FOCAD: variants seen among roughly 807,000 people sequenced by gnomAD.
FOCAD encodes the protein focadhesin.
FOCAD carries 198 observed loss-of-function variants against 225.6 expected under a neutral mutation model. The observed-to-expected ratio is 0.88, with a 90% CI of 0.78 to 0.99. The LOEUF is 0.99. FOCAD is among the 50% of genes least tolerant of loss of function. The probability of loss-of-function intolerance (pLI) is 0.00; values close to 1 mark genes in which losing one functional copy is unlikely to be tolerated. For synonymous variants in FOCAD, 897 were observed against 755.0 expected (o/e 1.19, Z -3.08); for missense variants, 2,713 against 2,123.6 (o/e 1.28, Z -5.46).
At chr9:20,839,628 T>A (rs953472118) in intron 15 of FOCAD, among the ~76,000 whole-genome samples, 3 of 151,476 alleles carry the variant, frequency 2.0e-5, no homozygotes, top group Admixed American at 2.0e-4. Flanking sequence ...TCCCTTTTTT[T>A]TGAACTATGC....
chr9:20,750,067 C>A (rs16938150), intron 5 of FOCAD, among the ~76,000 whole-genome samples: 370 of 152,196 alleles, frequency 2.4e-3, no homozygotes, highest in Middle Eastern at 0.01. Flanking sequence ...TATTAGGTAC[C>A]AACTCTGTGT....
Position 20,797,790 on chromosome 9 carries a change from A to G in FOCAD, c.1455+8182A>G, listed in dbSNP as rs370189287. ...CTAGATATACAATCATGCCATCTGC[A>G]AACAGGGACCATTTGACTTCCTCTT... On this transcript the variant is annotated intron_variant, in intron 11 of 43. Coordinates refer to ENST00000338382, the MANE Select transcript of FOCAD (RefSeq NM_001375567.1). Among the ~76,000 whole-genome samples, 76 of 152,302 alleles carry G rather than the reference A, an allele frequency of 5.0e-4. 5 individuals carry two copies. In the South Asian group the frequency reaches 0.015, roughly 30 times the overall value.
intron 1 of FOCAD, among the ~76,000 whole-genome samples, chr9:20,699,166 T>G (rs1205760921): frequency 6.6e-6 from 1 of 152,244 alleles, no homozygotes; most frequent in Non-Finnish European, 1.5e-5. Context: ...GTTCCTGAGC[T>G]GATCTGATCT....
At chr9:20,887,598 G>A (rs927434190) in intron 21 of FOCAD, among the ~76,000 whole-genome samples, 4 of 152,072 alleles carry the variant, frequency 2.6e-5, no homozygotes, top group South Asian at 2.1e-4. Flanking sequence ...ATGGACCTTC[G>A]GGTTTTTTCT....
rs148181340 is a variant in FOCAD, at chr9:20,948,740, A to T, written c.3799-111A>T. 479 of 1,154,418 alleles carry T rather than the reference A, an allele frequency of 4.1e-4. 4 individuals carry two copies. In the Admixed American group the frequency reaches 9.4e-3, roughly 23 times the overall value. The allele number at this position is 1,154,418 out of a possible 1,614,324, so 71.5% of individuals were successfully genotyped here. ...CAGTTATACAGGTTACGTTGACCCT[A>T]TAAGTTTGGTACCAATTCGACCATT... On this transcript the variant is annotated intron_variant, in intron 31 of 43. Transcript: ENST00000338382.
chr9:20,899,855 A>C (rs1370380623), intron 21 of FOCAD, among the ~76,000 whole-genome samples: 7 of 151,736 alleles, frequency 4.6e-5, no homozygotes, highest in Non-Finnish European at 1.0e-4. Context: ...CATAGACCCA[A>C]GTTTGATTTG....
At chr9:20,950,874 G>A (rs1442912768) in intron 33 of FOCAD, 122 bp from the exon 34 acceptor site, 4 of 748,074 alleles carry the variant, frequency 5.3e-6, no homozygotes, top group Non-Finnish European at 7.2e-6. Flanking sequence ...CTTGTCATAG[G>A]ACTGCTCGTT....
intron 22 of FOCAD, among the ~76,000 whole-genome samples, chr9:20,912,069 C>A (rs934484129): frequency 6.6e-6 from 1 of 152,088 alleles, no homozygotes; most frequent in African/African-American, 2.4e-5. Flanking sequence ...AACCAGAACT[C>A]TTGTTTACTG....
intron 28 of FOCAD, among the ~76,000 whole-genome samples, chr9:20,938,713 A>G (rs1836290296): frequency 6.6e-6 from 1 of 152,172 alleles, no homozygotes; most frequent in Admixed American, 6.5e-5. Flanking sequence ...CATGTACCCT[A>G]AAACTTATAA....
At chr9:20,801,739 A>T (rs573586161) in intron 11 of FOCAD, among the ~76,000 whole-genome samples, 2 of 152,084 alleles carry the variant, frequency 1.3e-5, no homozygotes, top group Non-Finnish European at 2.9e-5. Context: ...ATTGTATTTC[A>T]GATTTAATTT....
chr9:20,728,916 CTG>C (rs1238336815), intron 4 of FOCAD, among the ~76,000 whole-genome samples: 3 of 152,112 alleles, frequency 2.0e-5, no homozygotes, highest in African/African-American at 7.2e-5. Flanking sequence ...GGGATATAAA[CTG>C]TGTGTTTTGT....
At chr9:20,956,140 A>C (rs1001292483) in intron 35 of FOCAD, among the ~76,000 whole-genome samples, 6 of 152,220 alleles carry the variant, frequency 3.9e-5, no homozygotes, top group Admixed American at 3.3e-4. Context: ...TACGAAGTAC[A>C]GGTAGGCATA....
chr9:20,659,675 C>T lies in FOCAD; in HGVS notation c.-78+849C>T, dbSNP rs149588645. Among the ~76,000 whole-genome samples the T allele has an allele frequency of 2.0e-5, 3 of 152,298 alleles. No homozygotes were observed. In the East Asian group the frequency reaches 5.8e-4, roughly 29 times the overall value. On this transcript the variant is annotated intron_variant, in intron 2 of 45. Coordinates refer to the FOCAD transcript ENST00000380249. ...GAAAATAAATTTCTGTTGTCTAAGT[C>T]ACCCAACCTGTGATACTTTGTTATG...
intron 8 of FOCAD, among the ~76,000 whole-genome samples, chr9:20,774,331 C>A (rs1322368214): frequency 6.6e-6 from 1 of 152,176 alleles, no homozygotes; most frequent in Non-Finnish European, 1.5e-5. Context: ...TCAAGAGGCA[C>A]AATGTGTGTT....
At chr9:20,657,220 T>C (rs1296336749), upstream of FOCAD, among the ~76,000 whole-genome samples, 3 of 149,728 alleles carry the variant, frequency 2.0e-5, no homozygotes, top group Non-Finnish European at 4.5e-5. Context: ...ATTTTTTCCT[T>C]CATTTCAACT....
At chr9:20,662,309 C>T (rs560968893) in intron 2 of FOCAD, among the ~76,000 whole-genome samples, 6 of 152,208 alleles carry the variant, frequency 3.9e-5, no homozygotes, top group Admixed American at 2.0e-4. Flanking sequence ...CTGTGGAGAA[C>T]GTAGTCTGCA....
At chr9:20,765,138 C>G (rs1012329194) in intron 7 of FOCAD, 65 bp downstream of exon 7, 19 of 1,395,156 alleles carry the variant, frequency 1.4e-5, no homozygotes, top group Non-Finnish European at 1.9e-5. Context: ...TTGTCATAGA[C>G]AAAGTAGTTC....
intron 35 of FOCAD, among the ~76,000 whole-genome samples, chr9:20,955,083 T>C (rs1838015401): frequency 6.6e-6 from 1 of 152,218 alleles, no homozygotes; most frequent in South Asian, 2.1e-4. Flanking sequence ...GGACTGCTGA[T>C]AGGAAGGATG....
chr9:20,976,193 T>C (rs1840213936), intron 35 of FOCAD: 1 of 242,560 alleles, frequency 4.1e-6, no homozygotes, highest in African/African-American at 2.2e-5. Context: ...AGTTATTATA[T>C]ATTATTGAAA....
Sources: gnomAD v4.1 joint callset for allele counts (sites outside exome capture counted in the v4.1 genomes callset) on GRCh38, gnomAD v4.1.1 for gene constraint, MANE v1.5 for transcripts, NCBI Gene and HGNC (gene_info 2026-07-23, HGNC 2026-07-21) for gene names.